The following DCC variants were observed in gnomAD, a reference collection of about 807,000 sequenced individuals.
DCC encodes the protein netrin receptor DCC.
A neutral mutation model predicts 172.5 loss-of-function variants in DCC; 58 were observed. That is an observed-to-expected ratio of 0.34 (90% confidence interval 0.27 to 0.42). DCC has a LOEUF of 0.42. Among genes scored for constraint, DCC ranks in the 10% least tolerant of loss-of-function variants. DCC has a pLI of 1.00. For missense variants in DCC, 1,740 were observed against 1,791.0 expected (o/e 0.97, Z 0.51); for synonymous variants, 709 against 644.5 (o/e 1.10, Z -1.52).
intron 5 of DCC, among the ~76,000 whole-genome samples, chr18:52,934,210 T>C (rs1280577321): frequency 6.6e-6 from 1 of 152,084 alleles, no homozygotes; most frequent in African/African-American, 2.4e-5. Flanking sequence ...TAGTGATCAA[T>C]ATAACAGTAT....
At chr18:53,145,105 CTTTTTTT>C (rs57501246) in intron 7 of DCC, among the ~76,000 whole-genome samples, 1 of 36,908 alleles carries the variant, frequency 2.7e-5, no homozygotes, top group Non-Finnish European at 4.4e-5. Flanking sequence ...GAGGGCTCTG[CTTTTTTT>C]TTTTTTTTTT....
At chr18:52,995,956 AT>A in intron 5 of DCC, among the ~76,000 whole-genome samples, 1 of 146,882 alleles carries the variant, frequency 6.8e-6, no homozygotes, top group East Asian at 2.0e-4. Context: ...TCTTTCCTCT[AT>A]TTTTCAATAG....
chr18:53,326,392 G>C (rs954456711), intron 14 of DCC, among the ~76,000 whole-genome samples: 1 of 152,080 alleles, frequency 6.6e-6, no homozygotes, highest in Non-Finnish European at 1.5e-5. Flanking sequence ...AATACCAAAG[G>C]CCTTCTCAAT....
rs564166880 is a variant in DCC at position 53,459,096 on chromosome 18, A to G, written c.3393-136A>G. ...AAAGGCAGCCAAGACAAGTCTGCCA[A>G]TTCCTGGGTTTCACAGGGCTCATTC... is the stretch of plus-strand genomic sequence containing the variant. On this transcript the variant is annotated intron_variant, in intron 23 of 28. Coordinates refer to ENST00000442544, the MANE Select transcript of DCC (RefSeq NM_005215.4). The G allele has an allele frequency of 9.4e-5, 70 of 745,564 alleles. 1 individual carries two copies. In the Admixed American group the frequency reaches 1.2e-3, roughly 13 times the overall value. The allele number at this position is 745,564 out of a possible 1,614,324, so 46.2% of individuals were successfully genotyped here.
chr18:52,816,950 A>G (rs558418569), intron 2 of DCC: 1 of 152,278 alleles, frequency 6.6e-6, no homozygotes, highest in South Asian at 2.1e-4. Flanking sequence ...TGCAAGGTAC[A>G]GTTTTCAAAT....
intron 8 of DCC, among the ~76,000 whole-genome samples, chr18:53,167,707 T>C (rs2054943518): frequency 6.6e-6 from 1 of 152,204 alleles, no homozygotes; most frequent in South Asian, 2.1e-4. Flanking sequence ...TGGCTTCTCT[T>C]TTTAAATAAT....
In DCC at chr18:53,354,008, C is replaced by T. The variant is rs190420889; in HGVS notation, c.2359+14101C>T. On this transcript the variant is annotated intron_variant, in intron 15 of 28. Transcript: ENST00000442544. ...ATTCCCACCTATGAGTGAGAACATG[C>T]GGTGTTTGGTTTTCTGTCCTTGCGA... is the stretch of plus-strand genomic sequence containing the variant. Among the ~76,000 whole-genome samples, 841 of 152,198 alleles carry T rather than the reference C, an allele frequency of 5.5e-3. 12 individuals carry two copies. Among genetic ancestry groups the T allele is most frequent in the Middle Eastern group, 0.014 (4 of 294 alleles).
At chr18:52,698,212 A>C (rs1360225101) in intron 1 of DCC, among the ~76,000 whole-genome samples, 2 of 152,218 alleles carry the variant, frequency 1.3e-5, no homozygotes, top group Admixed American at 1.3e-4. Context: ...ACATCAAGCC[A>C]TGGATGACTT....
intron 12 of DCC, among the ~76,000 whole-genome samples, chr18:53,276,864 G>C (rs887337725): frequency 2.6e-5 from 4 of 152,130 alleles, no homozygotes; most frequent in Non-Finnish European, 5.9e-5. Context: ...TATGGAACTT[G>C]GGTCAGTGTA....
intron 1 of DCC, among the ~76,000 whole-genome samples, chr18:52,349,182 C>T (rs904278047): frequency 2.2e-5 from 2 of 91,780 alleles, no homozygotes; most frequent in Non-Finnish European, 6.1e-5. Context: ...TGTGCACCAT[C>T]CCCCCCAATT....
intron 8 of DCC, among the ~76,000 whole-genome samples, chr18:53,172,481 A>T (rs1053088941): frequency 1.3e-5 from 2 of 152,216 alleles, no homozygotes; most frequent in Non-Finnish European, 2.9e-5. Flanking sequence ...GAAATTATTT[A>T]AAAAATAAAA....
At chr18:52,929,533 C>G (rs1325948863) in intron 5 of DCC, among the ~76,000 whole-genome samples, 1 of 152,074 alleles carries the variant, frequency 6.6e-6, no homozygotes, top group Non-Finnish European at 1.5e-5. Flanking sequence ...GAAAGGAATA[C>G]AAGCTGTTCT....
At chr18:52,659,892 A>G (rs1011719344) in intron 1 of DCC, among the ~76,000 whole-genome samples, 3 of 152,100 alleles carry the variant, frequency 2.0e-5, no homozygotes, top group Admixed American at 6.5e-5. Context: ...TATAACATTC[A>G]TATAGAAAAT....
At chr18:53,310,423 A>T (rs892284108) in intron 13 of DCC, among the ~76,000 whole-genome samples, 1 of 151,998 alleles carries the variant, frequency 6.6e-6, no homozygotes, top group African/African-American at 2.4e-5. Flanking sequence ...TCAGGTGTAG[A>T]TACTCAAATT....
intron 1 of DCC, among the ~76,000 whole-genome samples, chr18:52,516,825 A>G (rs1278641463): frequency 1.3e-5 from 2 of 152,206 alleles, no homozygotes; most frequent in Non-Finnish European, 2.9e-5. Flanking sequence ...TTAAGAATTC[A>G]TTCTACAAAG....
At chr18:52,379,242 A>G (rs1309355712) in intron 1 of DCC, among the ~76,000 whole-genome samples, 1 of 147,874 alleles carries the variant, frequency 6.8e-6, no homozygotes, top group Non-Finnish European at 1.5e-5. Flanking sequence ...CTACAAAAGC[A>G]TAATGTTTTT....
intron 20 of DCC, 30 bp downstream of exon 20, chr18:53,410,676 T>C: frequency 7.4e-7 from 1 of 1,352,882 alleles, no homozygotes. Context: ...ATGCTTTTCT[T>C]TTCCTGTGGG....
chr18:52,522,129 CA>C (rs1239038512), intron 1 of DCC, among the ~76,000 whole-genome samples: 6 of 152,116 alleles, frequency 3.9e-5, no homozygotes, highest in Non-Finnish European at 5.9e-5. Flanking sequence ...TAGATTAAGA[CA>C]TAGTTTTGGG....
intron 2 of DCC, among the ~76,000 whole-genome samples, chr18:52,827,317 C>T (rs1466537387): frequency 1.3e-5 from 2 of 152,180 alleles, no homozygotes; most frequent in Non-Finnish European, 2.9e-5. Context: ...ATAGCTACAT[C>T]CTGAGCTTCA....
Sources: gnomAD v4.1 joint callset for allele counts (sites outside exome capture counted in the v4.1 genomes callset) on GRCh38, gnomAD v4.1.1 for gene constraint, MANE v1.5 for transcripts, NCBI Gene and HGNC (gene_info 2026-07-23, HGNC 2026-07-21) for gene names.